Variants in NCALD observed in about 807,000 individuals in gnomAD.
The protein encoded by NCALD is neurocalcin-delta.
In NCALD, 10 loss-of-function variants were observed where a neutral mutation model predicts 18.6. The observed-to-expected ratio is 0.54, with a 90% CI of 0.33 to 0.91. The LOEUF is 0.91. NCALD is among the 40% of genes least tolerant of loss of function. The pLI is 0.03. For missense variants in NCALD, 184 were observed against 247.6 expected, an observed-to-expected ratio of 0.74 and a Z score of 1.72; for synonymous variants, 88 against 87.4, an observed-to-expected ratio of 1.01 and a Z score of -0.04.
At chr8:101,900,138 C>T (rs536777786) in intron 3 of NCALD, among the ~76,000 whole-genome samples, 2 of 151,932 alleles carry the variant, frequency 1.3e-5, no homozygotes, top group South Asian at 4.2e-4. Context: ...TATAAGTTGT[C>T]AAATGTGTAG....
At chr8:101,913,509 G>A (rs1301039478) in intron 3 of NCALD, among the ~76,000 whole-genome samples, 1 of 151,836 alleles carries the variant, frequency 6.6e-6, no homozygotes, top group Non-Finnish European at 1.5e-5. Flanking sequence ...AAATTGGAAG[G>A]TATACCTCCA....
intron 1 of NCALD, among the ~76,000 whole-genome samples, chr8:102,035,582 C>G (rs1192064550): frequency 6.6e-6 from 1 of 152,060 alleles, no homozygotes; most frequent in Non-Finnish European, 1.5e-5. Context: ...AACAGTGAAT[C>G]AGCGTTTGTT....
At chr8:102,046,660 A>G (rs1434988368) in intron 1 of NCALD, among the ~76,000 whole-genome samples, 7 of 152,114 alleles carry the variant, frequency 4.6e-5, no homozygotes, top group African/African-American at 1.7e-4. Flanking sequence ...GTGCTCCACC[A>G]TGCCCAGCTA....
At chr8:101,875,516 T>A (rs886448187) in intron 4 of NCALD, among the ~76,000 whole-genome samples, 6 of 152,170 alleles carry the variant, frequency 3.9e-5, no homozygotes, top group African/African-American at 1.4e-4. Context: ...TCTCGATGGT[T>A]TTTGCTAGAT....
chr8:101,714,460 G>C (rs1815966070), intron 2 of NCALD, among the ~76,000 whole-genome samples: 1 of 152,094 alleles, frequency 6.6e-6, no homozygotes, highest in Non-Finnish European at 1.5e-5. Context: ...TCTTCAAGGA[G>C]AACTACAAAC....
At chr8:101,936,142 G>C (rs1818755843) in intron 2 of NCALD, among the ~76,000 whole-genome samples, 1 of 152,168 alleles carries the variant, frequency 6.6e-6, no homozygotes, top group African/African-American at 2.4e-5. Flanking sequence ...GTTTGGTAGA[G>C]AAGAAGGGTG....
chr8:101,690,552 C>T, intron 3 of NCALD: 1 of 985,396 alleles, frequency 1.0e-6, no homozygotes, highest in Non-Finnish European at 1.2e-6. Context: ...TCAACTTACT[C>T]CAAACCTGAC....
At chr8:101,925,975 A>G (rs1275097922) in intron 2 of NCALD, among the ~76,000 whole-genome samples, 4 of 152,204 alleles carry the variant, frequency 2.6e-5, no homozygotes, top group African/African-American at 9.7e-5. Flanking sequence ...CAATGGGTCT[A>G]TGGAATCCAG....
intron 1 of NCALD, among the ~76,000 whole-genome samples, chr8:102,042,416 A>G (rs1893533): frequency 0.38 from 57,826 of 151,690 alleles, 11,615 homozygotes; most frequent in African/African-American, 0.41. Context: ...AGAGCTTCAC[A>G]TGGGGCTCCT....
At chr8:101,848,042 T>C (rs1461042316) in intron 4 of NCALD, among the ~76,000 whole-genome samples, 1 of 152,028 alleles carries the variant, frequency 6.6e-6, no homozygotes, top group Non-Finnish European at 1.5e-5. Context: ...AAAGAGACTT[T>C]GGGGGTTGAA....
intron 1 of NCALD, among the ~76,000 whole-genome samples, chr8:102,082,222 C>CT (rs1435410402): frequency 8.7e-6 from 1 of 114,920 alleles, no homozygotes; most frequent in Non-Finnish European, 1.8e-5. Context: ...TTGAGAAGCT[C>CT]TCTCTTTTTT....
chr8:101,894,329 A>C (rs1044997103), intron 3 of NCALD, among the ~76,000 whole-genome samples: 1 of 128,102 alleles, frequency 7.8e-6, no homozygotes, highest in African/African-American at 3.6e-5. Flanking sequence ...ACAAAGACAC[A>C]ACATACCAGA....
intron 4 of NCALD, among the ~76,000 whole-genome samples, chr8:101,868,652 G>A (rs1416712515): frequency 2.0e-5 from 3 of 152,122 alleles, no homozygotes; most frequent in Non-Finnish European, 4.4e-5. Flanking sequence ...ACTCCTTGAC[G>A]CATGAGGAGA....
intron 1 of NCALD, among the ~76,000 whole-genome samples, chr8:101,767,598 G>A (rs1427816817): frequency 6.6e-6 from 1 of 152,196 alleles, no homozygotes; most frequent in Admixed American, 6.5e-5. Flanking sequence ...GGACTCAACT[G>A]ATCTGGACTT....
chr8:101,695,425 T>C (rs1402555010), intron 2 of NCALD, among the ~76,000 whole-genome samples: 1 of 152,146 alleles, frequency 6.6e-6, no homozygotes. Context: ...TGACTGGCCA[T>C]AGGAGGTGTC....
upstream of NCALD, among the ~76,000 whole-genome samples, chr8:101,794,120 A>T (rs1414688233): frequency 6.6e-6 from 1 of 152,194 alleles, no homozygotes; most frequent in Non-Finnish European, 1.5e-5. Flanking sequence ...GGAGGATAAT[A>T]AAGTTAATAT....
chr8:102,046,184 A>C (rs1823232488), intron 1 of NCALD, among the ~76,000 whole-genome samples: 3 of 152,250 alleles, frequency 2.0e-5, no homozygotes, highest in Admixed American at 1.3e-4. Context: ...AGTTGAGAAC[A>C]ATATATGATA....
intron 2 of NCALD, among the ~76,000 whole-genome samples, chr8:101,980,528 GTATC>G (rs1321893064): frequency 6.6e-6 from 1 of 152,176 alleles, no homozygotes; most frequent in African/African-American, 2.4e-5. Flanking sequence ...AGAAGGCAAA[GTATC>G]TGGAAACAGT....
intron 2 of NCALD, among the ~76,000 whole-genome samples, chr8:101,936,483 G>C (rs142735216): frequency 5.3e-5 from 8 of 152,162 alleles, no homozygotes; most frequent in Non-Finnish European, 1.2e-4. Context: ...AAATGTTGCA[G>C]TGGAGTTATT....
Sources: gnomAD v4.1 joint callset for allele counts (sites outside exome capture counted in the v4.1 genomes callset) on GRCh38, gnomAD v4.1.1 for gene constraint, MANE v1.5 for transcripts, NCBI Gene and HGNC (gene_info 2026-07-23, HGNC 2026-07-21) for gene names.